Variants in CACNA2D3 observed in about 807,000 individuals in gnomAD.
The protein encoded by CACNA2D3 is voltage-dependent calcium channel subunit alpha-2/delta-3.
A neutral mutation model predicts 160.6 loss-of-function variants in CACNA2D3; 60 were observed. The observed-to-expected ratio is 0.37, with a 90% CI of 0.30 to 0.46. The LOEUF (loss-of-function observed/expected upper bound fraction) is 0.46. CACNA2D3 is among the 20% of genes least tolerant of loss of function. CACNA2D3 has a pLI of 1.00. For missense variants in CACNA2D3, 1,205 were observed against 1,365.0 expected, an observed-to-expected ratio of 0.88 and a Z score of 1.85; for synonymous variants, 558 against 492.9, an observed-to-expected ratio of 1.13 and a Z score of -1.75.
At chr3:54,169,715 A>G (rs548734884) in intron 2 of CACNA2D3, among the ~76,000 whole-genome samples, 2 of 150,550 alleles carry the variant, frequency 1.3e-5, no homozygotes, top group African/African-American at 2.5e-5. Flanking sequence ...GCAAGTGTGC[A>G]TGTGTGCAAG....
intron 2 of CACNA2D3, among the ~76,000 whole-genome samples, chr3:54,239,918 TTACAC>T (rs1257508559): frequency 2.0e-5 from 3 of 152,184 alleles, no homozygotes; most frequent in Admixed American, 6.5e-5. Context: ...TAAAATCACT[TTACAC>T]TAGGCTAGAC....
chr3:54,829,213 A>G (rs1008035720), intron 14 of CACNA2D3, among the ~76,000 whole-genome samples: 2 of 152,184 alleles, frequency 1.3e-5, no homozygotes, highest in African/African-American at 4.8e-5. Flanking sequence ...GTGGATTTTC[A>G]CCTGTGTTCT....
Position 54,212,062 on chromosome 3 carries a change from G to GA in CACNA2D3, c.204+88477dup, listed in dbSNP as rs991052942. On this transcript the variant is annotated intron_variant, in intron 2 of 37. Coordinates refer to ENST00000474759, the MANE Select transcript of CACNA2D3 (RefSeq NM_018398.3). The stretch of plus-strand genomic sequence containing the variant: ...TGAGGAACAGAAGGCTCAGGAAATG[G>GA]AAAAAAAAATCCTGACCAATAGTTA... 6.0e-5 allele frequency among the ~76,000 whole-genome samples: 9 copies of GA among 150,676 alleles called. No homozygotes were observed. In the South Asian group the frequency reaches 8.4e-4, roughly 14 times the overall value.
At chr3:55,004,963 T>G in intron 32 of CACNA2D3, 125 bp downstream of exon 32, 1 of 637,620 alleles carries the variant, frequency 1.6e-6, no homozygotes, top group Non-Finnish European at 2.6e-6. Context: ...ATTTTGACTT[T>G]ACTCACTTAA....
intron 5 of CACNA2D3, among the ~76,000 whole-genome samples, chr3:54,510,936 GC>G (rs1440874400): frequency 6.6e-5 from 10 of 152,122 alleles, no homozygotes; most frequent in African/African-American, 2.4e-4. Context: ...TCTTCCCCAA[GC>G]CCAGACCCCT....
intron 31 of CACNA2D3, among the ~76,000 whole-genome samples, chr3:54,997,314 A>G (rs1027684566): frequency 2.6e-5 from 4 of 152,214 alleles, no homozygotes; most frequent in Admixed American, 1.3e-4. Context: ...CTGTTTGCAC[A>G]TTAGAATTCC....
intron 3 of CACNA2D3, among the ~76,000 whole-genome samples, chr3:54,351,045 G>A (rs1469808295): frequency 7.4e-6 from 1 of 134,484 alleles, no homozygotes; most frequent in Non-Finnish European, 1.5e-5. Context: ...CTGGAGGCGC[G>A]ATCTCGGCTC....
intron 8 of CACNA2D3, among the ~76,000 whole-genome samples, chr3:54,580,681 A>G (rs1239337555): frequency 2.0e-5 from 3 of 152,234 alleles, no homozygotes; most frequent in Non-Finnish European, 4.4e-5. Flanking sequence ...AGGACCAGGC[A>G]TGGGCCCTAA....
intron 16 of CACNA2D3, 93 bp downstream of exon 16, chr3:54,838,741 G>A (rs1276272103): frequency 3.2e-5 from 30 of 940,702 alleles, no homozygotes; most frequent in East Asian, 1.9e-4. Flanking sequence ...ACTTTGGAGC[G>A]ATGTTTTTGC....
At chr3:54,184,909 A>G in intron 2 of CACNA2D3, among the ~76,000 whole-genome samples, 1 of 152,330 alleles carries the variant, frequency 6.6e-6, no homozygotes, top group African/African-American at 2.4e-5. Flanking sequence ...AGCGAGGGTA[A>G]TGACTTCTTA....
intron 9 of CACNA2D3, among the ~76,000 whole-genome samples, chr3:54,620,155 A>T (rs1698951985): frequency 6.6e-6 from 1 of 152,134 alleles, no homozygotes. Flanking sequence ...GCATCAGAAT[A>T]GGGTGGACAT....
At chr3:54,983,817 A>G (rs886326010) in intron 29 of CACNA2D3, among the ~76,000 whole-genome samples, 1 of 152,254 alleles carries the variant, frequency 6.6e-6, no homozygotes, top group Non-Finnish European at 1.5e-5. Context: ...TAAAGCTGTA[A>G]TAAATAGAAA....
At chr3:54,654,073 C>G (rs772617239) in intron 11 of CACNA2D3, among the ~76,000 whole-genome samples, 1 of 152,160 alleles carries the variant, frequency 6.6e-6, no homozygotes. Context: ...AAGTCCCTTG[C>G]CACTGAGCCC....
chr3:54,807,986 A>G (rs1703177536), intron 13 of CACNA2D3, among the ~76,000 whole-genome samples: 1 of 141,544 alleles, frequency 7.1e-6, no homozygotes, highest in African/African-American at 2.6e-5. Context: ...ATTCTCACTC[A>G]TAGGTGGGAA....
At chr3:54,984,383 G>T (rs1330569372) in intron 29 of CACNA2D3, among the ~76,000 whole-genome samples, 1 of 151,728 alleles carries the variant, frequency 6.6e-6, no homozygotes, top group Non-Finnish European at 1.5e-5. Flanking sequence ...TTCAAGACTC[G>T]TTCAGTCTTT....
At chr3:54,588,260 C>A (rs1702798808) in intron 9 of CACNA2D3, among the ~76,000 whole-genome samples, 1 of 152,048 alleles carries the variant, frequency 6.6e-6, no homozygotes, top group Non-Finnish European at 1.5e-5. Context: ...TAAAAAACAC[C>A]CTTTATAATT....
At chr3:54,234,057 T>C (rs1355504455) in intron 2 of CACNA2D3, among the ~76,000 whole-genome samples, 2 of 152,028 alleles carry the variant, frequency 1.3e-5, no homozygotes, top group Non-Finnish European at 2.9e-5. Flanking sequence ...AAATAAACTA[T>C]CAAAAGAGAA....
At position 54,943,846 on chromosome 3, in the gene CACNA2D3, T is replaced by A. The variant is rs150221122; in HGVS notation, c.2450-24604T>A. Among the ~76,000 whole-genome samples the A allele has an allele frequency of 5.7e-3, 874 of 152,222 alleles. 13 individuals carry two copies. Among genetic ancestry groups the A allele is most frequent in the African/African-American group, 0.019 (783 of 41,540 alleles). Reference sequence around the variant, plus strand: ...CTCTTCCCTATTTTTCTCTGTCATCTCCCCCTTTCTCCTAAACCCTCATGC... The same window carrying A: ...CTCTTCCCTATTTTTCTCTGTCATCACCCCCTTTCTCCTAAACCCTCATGC... On this transcript the variant is annotated intron_variant, in intron 27 of 37. Transcript: ENST00000474759.
chr3:54,241,713 G>T (rs1245887386), intron 2 of CACNA2D3, among the ~76,000 whole-genome samples: 9 of 152,218 alleles, frequency 5.9e-5, no homozygotes, highest in African/African-American at 2.2e-4. Context: ...GGCATAGGTT[G>T]CCAGTGTAGG....
Sources: gnomAD v4.1 joint callset for allele counts (sites outside exome capture counted in the v4.1 genomes callset) on GRCh38, gnomAD v4.1.1 for gene constraint, MANE v1.5 for transcripts, NCBI Gene and HGNC (gene_info 2026-07-23, HGNC 2026-07-21) for gene names.